ATG2B: variants seen among roughly 807,000 people sequenced by gnomAD.
ATG2B encodes the protein autophagy-related protein 2 homolog B.
ATG2B carries 121 observed loss-of-function variants against 241.3 expected under a neutral mutation model. The observed-to-expected ratio is 0.50, with a 90% CI of 0.43 to 0.58. The LOEUF (loss-of-function observed/expected upper bound fraction) is 0.58. ATG2B is among the 20% of genes least tolerant of loss of function. The pLI is 0.00. For missense variants in ATG2B, 2,306 were observed against 2,491.6 expected, an observed-to-expected ratio of 0.93 and a Z score of 1.59; for synonymous variants, 858 against 876.6, an observed-to-expected ratio of 0.98 and a Z score of 0.37.
At chr14:96,318,678 T>C (rs576304450) in intron 18 of ATG2B, among the ~76,000 whole-genome samples, 1 of 152,280 alleles carries the variant, frequency 6.6e-6, no homozygotes, top group South Asian at 2.1e-4. Context: ...ATGTCATACC[T>C]AGGCTGTCAC....
chr14:96,308,278 A>ATG (rs1566719982), intron 29 of ATG2B, among the ~76,000 whole-genome samples: 741 of 27,626 alleles, frequency 0.027, 24 homozygotes, highest in Non-Finnish European at 0.037. Context: ...ATATATATAT[A>ATG]TATATTTTTT....
At chr14:96,312,230 T>G (rs921440844) in intron 25 of ATG2B, 71 bp from the exon 26 acceptor site, 24 of 975,812 alleles carry the variant, frequency 2.5e-5, no homozygotes, top group Non-Finnish European at 3.6e-5. Flanking sequence ...AATCACTATA[T>G]GCTTAATTGC....
chr14:96,359,377 CA>C (rs1029432941), intron 1 of ATG2B, among the ~76,000 whole-genome samples: 2 of 138,456 alleles, frequency 1.4e-5, no homozygotes, highest in East Asian at 2.1e-4. Context: ...GACCCTGTCT[CA>C]AAAAAAAAAT....
At chr14:96,352,544 G>A (rs1888355106) in intron 1 of ATG2B, among the ~76,000 whole-genome samples, 1 of 151,784 alleles carries the variant, frequency 6.6e-6, no homozygotes, top group Admixed American at 6.6e-5. Context: ...TGACATTGAT[G>A]ATCCTTACCC....
intron 6 of ATG2B, among the ~76,000 whole-genome samples, chr14:96,341,008 T>C (rs1344966984): frequency 1.3e-5 from 2 of 151,222 alleles, no homozygotes; most frequent in African/African-American, 2.4e-5. Flanking sequence ...TATGAGACAA[T>C]GGAAAAAGTC....
chr14:96,322,793 AACTTTTGTGCAAATTAATACAC>A, intron 16 of ATG2B, 58 bp from the exon 17 acceptor site: 1 of 1,436,076 alleles, frequency 7.0e-7, no homozygotes, highest in Non-Finnish European at 9.5e-7. Flanking sequence ...GCAAAACTTT[AACTTTTGTGCAAATTAATACAC>A]ACACCACTGG....
intron 18 of ATG2B, among the ~76,000 whole-genome samples, chr14:96,319,385 T>C (rs1372791949): frequency 6.6e-6 from 1 of 152,188 alleles, no homozygotes; most frequent in South Asian, 2.1e-4. Context: ...TGAAACAAAA[T>C]AGATGCTCAG....
At chr14:96,353,647 T>C (rs1265267194) in intron 1 of ATG2B, among the ~76,000 whole-genome samples, 1 of 130,782 alleles carries the variant, frequency 7.6e-6, no homozygotes, top group Non-Finnish European at 1.8e-5. Flanking sequence ...ATATTTTATA[T>C]ATATATATAT....
intron 29 of ATG2B, among the ~76,000 whole-genome samples, chr14:96,308,174 A>G (rs1887006550): frequency 7.1e-6 from 1 of 141,648 alleles, no homozygotes; most frequent in Non-Finnish European, 1.5e-5. Flanking sequence ...ATATAAATAT[A>G]TATAAATACA....
chr14:96,346,786 A>G (rs1421755523), intron 2 of ATG2B, among the ~76,000 whole-genome samples: 1 of 152,120 alleles, frequency 6.6e-6, no homozygotes, highest in Non-Finnish European at 1.5e-5. Context: ...TCTTTGTAAT[A>G]CTCAAATTTT....
At chr14:96,362,605 G>A (rs961760427) in intron 1 of ATG2B, among the ~76,000 whole-genome samples, 4 of 151,172 alleles carry the variant, frequency 2.6e-5, no homozygotes, top group African/African-American at 9.8e-5. Context: ...CATTACATCT[G>A]TTAAAGTTTC....
intron 6 of ATG2B, among the ~76,000 whole-genome samples, chr14:96,334,924 A>G (rs1245814658): frequency 2.0e-5 from 3 of 152,226 alleles, no homozygotes; most frequent in Non-Finnish European, 4.4e-5. Flanking sequence ...TCTTAAGTAC[A>G]CTACCAATCA....
chr14:96,319,622 T>G (rs982171544), intron 18 of ATG2B, among the ~76,000 whole-genome samples: 1 of 152,126 alleles, frequency 6.6e-6, no homozygotes, highest in Non-Finnish European at 1.5e-5. Context: ...ACATATTAAG[T>G]AAAACTTGAA....
At chr14:96,305,540 AAAAG>A (rs1339153930) in intron 31 of ATG2B, 45 bp downstream of exon 31, 1 of 1,276,312 alleles carries the variant, frequency 7.8e-7, no homozygotes, top group Non-Finnish European at 1.1e-6. Flanking sequence ...TTTTTCTAAG[AAAAG>A]AATATATTGG....
At chr14:96,308,270 ATATATATATATATTTTTT>A (rs1887047217) in intron 29 of ATG2B, among the ~76,000 whole-genome samples, 2 of 27,902 alleles carry the variant, frequency 7.2e-5, no homozygotes, top group African/African-American at 2.0e-4. Context: ...ATATATATAT[ATATATATATATATTTTTT>A]TTTTTTTTTT....
chr14:96,340,120 A>AT (rs1169344103), intron 6 of ATG2B, among the ~76,000 whole-genome samples: 2 of 9,226 alleles, frequency 2.2e-4, no homozygotes, highest in African/African-American at 4.3e-4. Context: ...GATATATATG[A>AT]ATATATATAT....
intron 28 of ATG2B, 70 bp downstream of exon 28, chr14:96,311,047 A>T (rs1887138618): frequency 2.2e-6 from 3 of 1,359,808 alleles, no homozygotes; most frequent in Non-Finnish European, 3.0e-6. Flanking sequence ...TATGACTGTC[A>T]TGAAGACCTC....
At chr14:96,358,443 GA>G (rs1888536559) in intron 1 of ATG2B, among the ~76,000 whole-genome samples, 1 of 151,142 alleles carries the variant, frequency 6.6e-6, no homozygotes, top group Non-Finnish European at 1.5e-5. Context: ...GAAAGAAAAG[GA>G]AAAAAAGAAA....
intron 6 of ATG2B, among the ~76,000 whole-genome samples, chr14:96,336,097 T>C (rs918104254): frequency 1.3e-5 from 2 of 149,884 alleles, no homozygotes; most frequent in Non-Finnish European, 3.0e-5. Context: ...AGGCTAAAAC[T>C]GAATACATGA....
Sources: allele counts gnomAD v4.1 joint callset (sites outside exome capture counted in the v4.1 genomes callset), GRCh38; gene constraint gnomAD v4.1.1; transcripts MANE v1.5; gene names NCBI Gene and HGNC (gene_info 2026-07-23, HGNC 2026-07-21).